The following HDAC9 variants were observed in gnomAD, a reference collection of about 807,000 sequenced individuals.
HDAC9 encodes the protein histone deacetylase 9.
In HDAC9, 41 loss-of-function variants were observed where a neutral mutation model predicts 139.4. The observed-to-expected ratio is 0.29, with a 90% CI of 0.23 to 0.38. The LOEUF is 0.38. HDAC9 is among the 10% of genes least tolerant of loss of function. The pLI is 1.00. For missense variants in HDAC9, 1,147 were observed against 1,297.0 expected (o/e 0.88, Z 1.78); for synonymous variants, 517 against 476.2 (o/e 1.09, Z -1.12).
intron 1 of HDAC9, among the ~76,000 whole-genome samples, chr7:18,383,806 G>A (rs1239477186): frequency 1.3e-5 from 2 of 150,808 alleles, no homozygotes; most frequent in Non-Finnish European, 3.0e-5. Flanking sequence ...GGAGAATGGC[G>A]TGAACCCGGG....
intron 12 of HDAC9, among the ~76,000 whole-genome samples, chr7:18,687,499 A>G (rs559806186): frequency 6.6e-6 from 1 of 152,044 alleles, no homozygotes; most frequent in South Asian, 2.1e-4. Context: ...GATAAATAAC[A>G]TCTATACTTT....
At chr7:18,883,432 C>T (rs1455135556) in intron 22 of HDAC9, among the ~76,000 whole-genome samples, 1 of 151,962 alleles carries the variant, frequency 6.6e-6, no homozygotes, top group African/African-American at 2.4e-5. Flanking sequence ...GTATGAAGGA[C>T]AAAAACTATA....
intron 21 of HDAC9, among the ~76,000 whole-genome samples, chr7:18,848,880 T>A (rs979732486): frequency 6.6e-6 from 1 of 152,190 alleles, no homozygotes; most frequent in African/African-American, 2.4e-5. Context: ...TGAAGACATA[T>A]AATATGTAAA....
chr7:18,287,514 T>A (rs1008409514), upstream of HDAC9, among the ~76,000 whole-genome samples: 4 of 152,314 alleles, frequency 2.6e-5, no homozygotes, highest in Admixed American at 2.6e-4. Context: ...AACTCTTTTT[T>A]AAAAAGGAGG....
chr7:18,336,482 C>A (rs1458974340), intron 1 of HDAC9, among the ~76,000 whole-genome samples: 3 of 151,546 alleles, frequency 2.0e-5, no homozygotes, highest in Non-Finnish European at 4.4e-5. Context: ...TAAATAACAT[C>A]TTCATTTTAA....
intron 16 of HDAC9, among the ~76,000 whole-genome samples, chr7:18,792,285 C>CTT (rs1792391056): frequency 7.1e-6 from 1 of 141,134 alleles, no homozygotes; most frequent in African/African-American, 2.7e-5. Context: ...AAAAAAAAAG[C>CTT]TTTGTTTTAT....
At chr7:18,786,509 TCTCTCATGTACTTTTTGCTCACATACAC>T in intron 16 of HDAC9, among the ~76,000 whole-genome samples, 1 of 98,738 alleles carries the variant, frequency 1.0e-5, no homozygotes, top group African/African-American at 5.9e-5. Context: ...TTCCTTCCTC[TCTCTCATGTACTTTTTGCTCACATACAC>T]TTCCTGTGTC....
intron 17 of HDAC9, among the ~76,000 whole-genome samples, chr7:18,824,084 G>GAAGAAGAAGAAGAAGAAGAAC (rs1554367982): frequency 6.9e-6 from 1 of 144,268 alleles, no homozygotes; most frequent in South Asian, 2.2e-4. Flanking sequence ...AGAAGAAGAA[G>GAAGAAGAAGAAGAAGAAGAAC]AAGAACAAGA....
chr7:18,346,024 T>TAGAG (rs1208538019), intron 1 of HDAC9, among the ~76,000 whole-genome samples: 1 of 152,100 alleles, frequency 6.6e-6, no homozygotes, highest in Non-Finnish European at 1.5e-5. Context: ...CAATTTTTTC[T>TAGAG]AGAGAGACTA....
chr7:18,470,837 C>A (rs926651999), intron 1 of HDAC9, among the ~76,000 whole-genome samples: 1 of 151,900 alleles, frequency 6.6e-6, no homozygotes, highest in Non-Finnish European at 1.5e-5. Flanking sequence ...GAGAGATAAG[C>A]CTTTGGAATC....
At chr7:18,908,935 C>A (rs1051789113) in intron 22 of HDAC9, among the ~76,000 whole-genome samples, 3 of 152,150 alleles carry the variant, frequency 2.0e-5, no homozygotes, top group South Asian at 2.1e-4. Flanking sequence ...TGTGAGATGG[C>A]TGGAGCATAC....
chr7:18,762,312 C>A (rs746545340), intron 15 of HDAC9, 35 bp downstream of exon 15: 1 of 1,606,830 alleles, frequency 6.2e-7, no homozygotes, highest in South Asian at 1.1e-5. Flanking sequence ...GGGAACAGCA[C>A]ATTCCAGCAC....
chr7:18,557,339 G>GTTTTTTTT (rs34667664), intron 2 of HDAC9, among the ~76,000 whole-genome samples: 2 of 137,432 alleles, frequency 1.5e-5, no homozygotes, highest in African/African-American at 2.7e-5. Context: ...GCAATGATGA[G>GTTTTTTTT]TTTTTTTTTT....
intron 1 of HDAC9, among the ~76,000 whole-genome samples, chr7:18,418,184 G>C (rs1789266048): frequency 6.6e-6 from 1 of 152,032 alleles, no homozygotes; most frequent in Non-Finnish European, 1.5e-5. Flanking sequence ...AGTTGTTTCA[G>C]GCAGAAGGGT....
At chr7:18,245,197 G>A (rs74656174) in intron 2 of HDAC9, among the ~76,000 whole-genome samples, 2,472 of 152,246 alleles carry the variant, frequency 0.016, 65 homozygotes, top group African/African-American at 0.055. Flanking sequence ...GGAAAATTTT[G>A]CTTCATCTCC....
intron 25 of HDAC9, among the ~76,000 whole-genome samples, chr7:18,978,718 T>C (rs1784708217): frequency 6.6e-6 from 1 of 152,250 alleles, no homozygotes; most frequent in African/African-American, 2.4e-5. Flanking sequence ...TAGGAATGTG[T>C]ACCTTTAAAC....
At chr7:18,180,693 A>G (rs1441140192) in intron 2 of HDAC9, among the ~76,000 whole-genome samples, 1 of 152,168 alleles carries the variant, frequency 6.6e-6, no homozygotes, top group African/African-American at 2.4e-5. Flanking sequence ...ATCTCTCTGG[A>G]TATCAGTTTT....
chr7:18,373,923 A>C (rs76759992), intron 1 of HDAC9, among the ~76,000 whole-genome samples: 3,336 of 152,198 alleles, frequency 0.022, 64 homozygotes, highest in East Asian at 0.09. Flanking sequence ...CTCTATAATT[A>C]GATATTTAAT....
At chr7:18,265,775 A>C (rs931649081) in intron 2 of HDAC9, among the ~76,000 whole-genome samples, 6 of 152,138 alleles carry the variant, frequency 3.9e-5, no homozygotes, top group Non-Finnish European at 8.8e-5. Flanking sequence ...AGACAGCTGG[A>C]TTTTCATATC....
Sources: allele counts gnomAD v4.1 joint callset (sites outside exome capture counted in the v4.1 genomes callset), GRCh38; gene constraint gnomAD v4.1.1; transcripts MANE v1.5; gene names NCBI Gene and HGNC (gene_info 2026-07-23, HGNC 2026-07-21).